SDK1: variants seen among roughly 807,000 people sequenced by gnomAD.
SDK1 encodes the protein sidekick cell adhesion molecule 1, also known as protein sidekick-1.
A neutral mutation model predicts 245.5 loss-of-function variants in SDK1; 157 were observed. That is an observed-to-expected ratio of 0.64 (90% CI 0.56 to 0.73). SDK1 has a LOEUF of 0.73. Ranked by LOEUF, SDK1 falls within the 30% of genes least tolerant of loss-of-function variation. The pLI is 0.00. For synonymous variants in SDK1, 1,647 were observed against 1,278.5 expected (o/e 1.29, Z -6.15); for missense variants, 3,583 against 3,002.3 (o/e 1.19, Z -4.52).
At chr7:3,526,659 C>G (rs941576606) in intron 1 of SDK1, among the ~76,000 whole-genome samples, 1 of 152,096 alleles carries the variant, frequency 6.6e-6, no homozygotes, top group Non-Finnish European at 1.5e-5. Flanking sequence ...TGATTGTTTC[C>G]TGCAGTCCCA....
chr7:4,200,507 C>G (rs1183889803), intron 35 of SDK1, among the ~76,000 whole-genome samples: 1 of 152,364 alleles, frequency 6.6e-6, no homozygotes, highest in East Asian at 1.9e-4. Flanking sequence ...TCAACCAGGC[C>G]TGTGGTCTTC....
chr7:3,995,796 T>C (rs1270283473), intron 14 of SDK1, among the ~76,000 whole-genome samples: 1 of 149,284 alleles, frequency 6.7e-6, no homozygotes, highest in African/African-American at 2.5e-5. Context: ...CTTTGCCCCA[T>C]TTATCTATCC....
intron 25 of SDK1, among the ~76,000 whole-genome samples, chr7:4,123,040 C>G (rs1055923137): frequency 2.0e-5 from 3 of 152,204 alleles, no homozygotes; most frequent in African/African-American, 7.2e-5. Context: ...CCAGGTTGCC[C>G]TCTTTCTCCA....
chr7:4,193,849 A>G (rs1375363549), intron 35 of SDK1, among the ~76,000 whole-genome samples: 1 of 152,166 alleles, frequency 6.6e-6, no homozygotes, highest in Admixed American at 6.5e-5. Flanking sequence ...CTTAGGAGCA[A>G]CCAACCAGCT....
chr7:3,340,857 C>T (rs1780329648), intron 1 of SDK1, among the ~76,000 whole-genome samples: 1 of 151,562 alleles, frequency 6.6e-6, no homozygotes. Context: ...AAATTGAATT[C>T]TTAATTGAAA....
intron 2 of SDK1, among the ~76,000 whole-genome samples, chr7:3,619,494 C>T (rs1489945429): frequency 6.6e-6 from 1 of 152,156 alleles, no homozygotes; most frequent in Non-Finnish European, 1.5e-5. Flanking sequence ...CAACAAAAAC[C>T]TATGGTTACA....
At chr7:4,039,317 C>A (rs1788439936) in intron 17 of SDK1, among the ~76,000 whole-genome samples, 2 of 151,758 alleles carry the variant, frequency 1.3e-5, no homozygotes, top group South Asian at 4.2e-4. Context: ...AAAAAAGTTT[C>A]TTATTATGAT....
intron 5 of SDK1, among the ~76,000 whole-genome samples, chr7:3,920,793 T>TA (rs1395883757): frequency 2.0e-5 from 3 of 151,982 alleles, no homozygotes; most frequent in African/African-American, 7.2e-5. Flanking sequence ...TAAATAACAA[T>TA]AGATGGCATT....
chr7:4,014,664 A>G (rs990118471), intron 16 of SDK1, among the ~76,000 whole-genome samples: 1 of 152,196 alleles, frequency 6.6e-6, no homozygotes, highest in African/African-American at 2.4e-5. Flanking sequence ...TATTTATAAT[A>G]ATAGGGAGGG....
intron 5 of SDK1, among the ~76,000 whole-genome samples, chr7:3,891,304 G>T (rs919237836): frequency 6.6e-6 from 1 of 152,114 alleles, no homozygotes. Flanking sequence ...GGTTTTCGTG[G>T]CTCTGAATCT....
In SDK1 at chr7:4,051,093, ATGTG is replaced by A. The variant is rs1187169530; in HGVS notation, c.2719-543_2719-540del. 3.5e-4 allele frequency among the ~76,000 whole-genome samples: 49 copies of A among 139,950 alleles called. 1 individual carries two copies. The South Asian group carries it at 0.011, about 30-fold the overall frequency. 91.8% of individuals were successfully genotyped at this position (139,950 alleles called of 152,430 possible). On this transcript the variant is annotated intron_variant, in intron 18 of 44. Transcript: ENST00000404826. ...ATGTATGTTATATATAGTATACTATATGTGTATATAATATATATGTATAATATAT... is the reference window on the plus strand; with the variant it reads ...ATGTATGTTATATATAGTATACTATATATATAATATATATGTATAATATAT...
At chr7:3,808,823 C>T (rs13234640) in intron 4 of SDK1, among the ~76,000 whole-genome samples, 17,236 of 152,086 alleles carry the variant, frequency 0.11, 1,627 homozygotes, top group African/African-American at 0.26. Flanking sequence ...ACACAAATGC[C>T]ATACCTATCG....
chr7:3,698,804 A>G (rs1047494412), intron 4 of SDK1, among the ~76,000 whole-genome samples: 2 of 152,176 alleles, frequency 1.3e-5, no homozygotes, highest in African/African-American at 2.4e-5. Context: ...CAGTTTCATC[A>G]TAAGTGCCCT....
chr7:4,152,661 C>T (rs988115487), intron 30 of SDK1, among the ~76,000 whole-genome samples: 1 of 152,162 alleles, frequency 6.6e-6, no homozygotes, highest in African/African-American at 2.4e-5. Flanking sequence ...GCTTCCTCTG[C>T]CTATCAATAG....
At chr7:3,738,798 G>T (rs1476656001) in intron 4 of SDK1, among the ~76,000 whole-genome samples, 2 of 149,776 alleles carry the variant, frequency 1.3e-5, no homozygotes, top group African/African-American at 2.4e-5. Context: ...CTATTGTAAT[G>T]AAATTGTTTT....
At chr7:3,417,300 G>T (rs1300845733) in intron 1 of SDK1, among the ~76,000 whole-genome samples, 3 of 152,148 alleles carry the variant, frequency 2.0e-5, no homozygotes, top group Admixed American at 2.0e-4. Flanking sequence ...GGTGGGACAT[G>T]GGCTGCCCCT....
At chr7:3,723,207 A>C (rs1778873804) in intron 4 of SDK1, among the ~76,000 whole-genome samples, 1 of 152,252 alleles carries the variant, frequency 6.6e-6, no homozygotes, top group Non-Finnish European at 1.5e-5. Context: ...TAGTAAATTA[A>C]GAGTTCAAAA....
At chr7:3,687,818 G>A (rs543876411) in intron 4 of SDK1, among the ~76,000 whole-genome samples, 3 of 152,220 alleles carry the variant, frequency 2.0e-5, no homozygotes, top group South Asian at 2.1e-4. Context: ...TGTTAATGTC[G>A]TATCCTGCTC....
chr7:3,515,951 T>G (rs1041843486), intron 1 of SDK1, among the ~76,000 whole-genome samples: 12 of 152,152 alleles, frequency 7.9e-5, no homozygotes, highest in African/African-American at 2.9e-4. Context: ...AATGTTCATG[T>G]AGTATAATTA....
Sources: allele counts gnomAD v4.1 joint callset (sites outside exome capture counted in the v4.1 genomes callset), GRCh38; gene constraint gnomAD v4.1.1; transcripts MANE v1.5; gene names NCBI Gene and HGNC (gene_info 2026-07-23, HGNC 2026-07-21).